Variants in COBL observed in about 807,000 individuals in gnomAD.
The protein encoded by COBL is protein cordon-bleu.
A neutral mutation model predicts 98.8 loss-of-function variants in COBL; 51 were observed. The ratio of observed to expected loss-of-function variants is 0.52; its 90% CI spans 0.41 to 0.65. The LOEUF (loss-of-function observed/expected upper bound fraction) is 0.65. Ranked by LOEUF, COBL falls within the 30% of genes least tolerant of loss-of-function variation. The pLI, the probability that COBL is intolerant of heterozygous loss-of-function variation, is 0.00. For missense variants in COBL, 1,617 were observed against 1,617.5 expected, an observed-to-expected ratio of 1.00 and a Z score of 0.01; for synonymous variants, 634 against 651.7, an observed-to-expected ratio of 0.97 and a Z score of 0.41.
chr7:51,097,878 T>C (rs984002103), intron 6 of COBL, among the ~76,000 whole-genome samples: 1 of 151,474 alleles, frequency 6.6e-6, no homozygotes, highest in African/African-American at 2.4e-5. Flanking sequence ...AAAAAAATTA[T>C]CCGGGCATGG....
At chr7:51,283,386 C>T (rs1422884666) in intron 1 of COBL, among the ~76,000 whole-genome samples, 4 of 152,176 alleles carry the variant, frequency 2.6e-5, no homozygotes, top group Non-Finnish European at 4.4e-5. Context: ...TTAAATGACA[C>T]AGATCAATTT....
At chr7:51,271,269 G>GCA (rs1279548947) in intron 1 of COBL, among the ~76,000 whole-genome samples, 1 of 152,322 alleles carries the variant, frequency 6.6e-6, no homozygotes, top group East Asian at 1.9e-4. Flanking sequence ...AGCTTGCAGG[G>GCA]CACACCATGC....
chr7:51,052,258 A>G (rs1160956386), intron 7 of COBL, among the ~76,000 whole-genome samples: 1 of 152,228 alleles, frequency 6.6e-6, no homozygotes, highest in Non-Finnish European at 1.5e-5. Context: ...AGCTTATAAA[A>G]AGGGCAAGTT....
Position 51,069,874 on chromosome 7 carries a change from C to A in COBL, c.1096+15292G>T, listed in dbSNP as rs574008947. On this transcript the variant is annotated intron_variant, in intron 7 of 12. Transcript: ENST00000265136. The stretch of plus-strand genomic sequence containing the variant: ...ATGTTTTGGTTATTTTTTCTCCTCA[C>A]TTCCTGCCCTGAAGCCCTGTAGCAG... 2.0e-5 allele frequency among the ~76,000 whole-genome samples: 3 copies of A among 152,324 alleles called. No individual in the cohort carries two copies. The South Asian group carries it at 6.2e-4, about 32-fold the overall frequency.
intron 1 of COBL, among the ~76,000 whole-genome samples, chr7:51,301,760 G>A (rs1801989398): frequency 6.6e-6 from 1 of 152,198 alleles, no homozygotes; most frequent in South Asian, 2.1e-4. Flanking sequence ...GCCATCTGCT[G>A]TCCTCAGTGT....
chr7:51,131,640 C>T (rs1287569418), intron 6 of COBL, among the ~76,000 whole-genome samples: 11 of 150,298 alleles, frequency 7.3e-5, no homozygotes, highest in Admixed American at 7.3e-4. Flanking sequence ...TTCGCCCAGG[C>T]TAGAGTGCAG....
At chr7:51,029,779 C>G (rs748041914) in intron 9 of COBL, among the ~76,000 whole-genome samples, 188 bp from the exon 10 acceptor site, 5 of 152,214 alleles carry the variant, frequency 3.3e-5, no homozygotes, top group Non-Finnish European at 5.9e-5. Context: ...CATTACTCAA[C>G]ACAGCTGTTT....
At chr7:51,045,767 G>A (rs561644053) in intron 7 of COBL, among the ~76,000 whole-genome samples, 7 of 152,088 alleles carry the variant, frequency 4.6e-5, no homozygotes, top group African/African-American at 9.7e-5. Context: ...AATGCTTGTC[G>A]GGTGATACAT....
intron 7 of COBL, among the ~76,000 whole-genome samples, chr7:51,074,166 T>C (rs990207387): frequency 1.3e-5 from 2 of 152,062 alleles, no homozygotes; most frequent in African/African-American, 4.8e-5. Flanking sequence ...TCTATTTACT[T>C]CTTAACTAGT....
chr7:51,244,748 T>C (rs996003649), intron 1 of COBL, among the ~76,000 whole-genome samples: 3 of 152,170 alleles, frequency 2.0e-5, no homozygotes, highest in African/African-American at 4.8e-5. Flanking sequence ...TTCCTGCTCA[T>C]TGCTCTCAGC....
At chr7:51,048,572 A>C (rs531069162) in intron 7 of COBL, among the ~76,000 whole-genome samples, 31 of 151,978 alleles carry the variant, frequency 2.0e-4, no homozygotes, top group Non-Finnish European at 3.8e-4. Flanking sequence ...TCTTCCTTGA[A>C]CTTATTTCCA....
chr7:51,172,456 G>A (rs775244249), intron 5 of COBL: 73 of 1,287,992 alleles, frequency 5.7e-5, no homozygotes, highest in South Asian at 3.5e-4. Context: ...TAGTACTCAC[G>A]TTCAAACCCC....
rs1790081365 is a variant in COBL, at chr7:51,191,137, T to C, written c.457-59A>G. Reference sequence around the variant, plus strand: ...AGATATCCTCCCACAAGCCTTCAACTCTTGTGTCAATTTGACAATTGGGTG... The same window carrying C: ...AGATATCCTCCCACAAGCCTTCAACCCTTGTGTCAATTTGACAATTGGGTG... On this transcript the variant is annotated intron_variant, in intron 3 of 12. Transcript: ENST00000265136. 7.5e-6 allele frequency: 11 copies of C among 1,469,850 alleles called. No homozygotes were observed. The Admixed American group carries it at 1.7e-4, about 23-fold the overall frequency. The allele number at this position is 1,469,850 out of a possible 1,614,324, so 91.1% of individuals were successfully genotyped here.
chr7:51,203,222 G>GCTGCATTAAAAAAAGAGA (rs1554427698), intron 2 of COBL, among the ~76,000 whole-genome samples: 1 of 145,520 alleles, frequency 6.9e-6, no homozygotes, highest in African/African-American at 2.7e-5. Flanking sequence ...AAAACTCTTG[G>GCTGCATTAAAAAAAGAGA]GAGGCCGAGG....
intron 1 of COBL, among the ~76,000 whole-genome samples, chr7:51,235,489 T>G (rs1795171299): frequency 6.6e-6 from 1 of 151,812 alleles, no homozygotes; most frequent in South Asian, 2.1e-4. Context: ...GATACAAAAC[T>G]GTGGTGGGAG....
rs764174584 is a variant in COBL, at chr7:51,191,082, G to A, written c.457-4C>T. 1 of 1,613,180 alleles carries A rather than the reference G, an allele frequency of 6.2e-7. No homozygotes were observed. Among genetic ancestry groups the A allele is most frequent in the Non-Finnish European group, 8.5e-7 (1 of 1,179,620 alleles). Reference sequence around the variant, plus strand: ...TCACGACCAAACGCACAGATTTCTGGAAGAACACACAGGCAAAAAGAATTC... The same window carrying A: ...TCACGACCAAACGCACAGATTTCTGAAAGAACACACAGGCAAAAAGAATTC... On this transcript the variant is annotated splice_polypyrimidine_tract_variant and splice_region_variant and intron_variant, in intron 3 of 12. Transcript: ENST00000265136.
At position 51,287,875 on chromosome 7, in the gene COBL, A is replaced by C. The variant is rs184801037; in HGVS notation, c.41+28718T>G. On this transcript the variant is annotated intron_variant, in intron 1 of 12. Transcript: ENST00000265136. Reference sequence around the variant, plus strand: ...AAAATGAATGAACTACTGACAGTTGACTGAAAGGAGCTGAATCTCAAAGGC... The same window carrying C: ...AAAATGAATGAACTACTGACAGTTGCCTGAAAGGAGCTGAATCTCAAAGGC... 3.6e-3 allele frequency among the ~76,000 whole-genome samples: 553 copies of C among 152,336 alleles called. 2 individuals are homozygous for C. Among genetic ancestry groups the C allele is most frequent in the African/African-American group, 0.013 (524 of 41,586 alleles).
chr7:51,123,670 A>C (rs1169224049), intron 6 of COBL, among the ~76,000 whole-genome samples: 4 of 152,194 alleles, frequency 2.6e-5, no homozygotes, highest in Non-Finnish European at 4.4e-5. Context: ...TTGTTTTTAA[A>C]TCTTTGAGTT....
At chr7:51,313,532 A>G (rs369148479) in intron 1 of COBL, among the ~76,000 whole-genome samples, 1 of 152,260 alleles carries the variant, frequency 6.6e-6, no homozygotes, top group African/African-American at 2.4e-5. Context: ...TGATTTTTAC[A>G]TGAGCAAACT....
Sources: gnomAD v4.1 joint callset for allele counts (sites outside exome capture counted in the v4.1 genomes callset) on GRCh38, gnomAD v4.1.1 for gene constraint, MANE v1.5 for transcripts, NCBI Gene and HGNC (gene_info 2026-07-23, HGNC 2026-07-21) for gene names.